Variants in TRIO observed in about 807,000 individuals in gnomAD.
TRIO encodes the protein triple functional domain protein.
TRIO carries 58 observed loss-of-function variants against 351.9 expected under a neutral mutation model. The observed-to-expected ratio is 0.16, with a 90% confidence interval of 0.13 to 0.21. The LOEUF is 0.21. TRIO is among the 10% of genes least tolerant of loss of function. TRIO has a pLI of 1.00. For synonymous variants in TRIO, 1,758 were observed against 1,595.7 expected, an observed-to-expected ratio of 1.10 and a Z score of -2.42; for missense variants, 3,201 against 4,027.8, an observed-to-expected ratio of 0.79 and a Z score of 5.56.
At chr5:14,394,553 A>C (rs1747396586) in intron 28 of TRIO, among the ~76,000 whole-genome samples, 1 of 152,172 alleles carries the variant, frequency 6.6e-6, no homozygotes, top group Non-Finnish European at 1.5e-5. Context: ...ACACGTTAAC[A>C]GGCTCAGCTC....
intron 33 of TRIO, 63 bp downstream of exon 33, chr5:14,406,735 C>G (rs1207501630): frequency 6.7e-7 from 1 of 1,503,224 alleles, no homozygotes; most frequent in Non-Finnish European, 9.2e-7. Flanking sequence ...TCAAAGCAGC[C>G]CCCTCCTTTC....
At position 14,487,530 on chromosome 5, in the gene TRIO, G is replaced by T. The variant is rs1271637211; in HGVS notation, c.6902G>T (p.Gly2301Val). ...GGCGGCGGCGGCGGCGGCAGCGGGG[G>T]CAGCGGCGGGGGTGGGGGCAGCGGC... ...SGGGGGGGSG[G>V]SGGGGGSGGG... Residue 2301 changes from glycine to valine, a missense_variant, in exon 48 of 57, where the codon GGC becomes GTC. Transcript: ENST00000344204. 2 of 1,016,762 alleles carry T rather than the reference G, an allele frequency of 2.0e-6. No homozygotes were observed. Among genetic ancestry groups the T allele is most frequent in the Non-Finnish European group, 2.4e-6 (2 of 832,872 alleles). 63.0% of individuals were successfully genotyped at this position (1,016,762 alleles called of 1,614,324 possible).
At chr5:14,433,488 G>T (rs1415860568) in intron 34 of TRIO, among the ~76,000 whole-genome samples, 1 of 152,246 alleles carries the variant, frequency 6.6e-6, no homozygotes, top group African/African-American at 2.4e-5. Context: ...TGTGCTTGAA[G>T]CCAGCACTGT....
intron 1 of TRIO, among the ~76,000 whole-genome samples, chr5:14,228,964 G>A (rs1254542555): frequency 6.6e-6 from 1 of 152,190 alleles, no homozygotes; most frequent in African/African-American, 2.4e-5. Flanking sequence ...ATTAGGCAGA[G>A]AATTTTAGGT....
intron 11 of TRIO, among the ~76,000 whole-genome samples, chr5:14,340,759 A>G (rs938729429): frequency 1.3e-5 from 2 of 152,162 alleles, no homozygotes; most frequent in Non-Finnish European, 2.9e-5. Flanking sequence ...AGACTCCAAA[A>G]ACTGAGACCT....
chr5:14,167,008 T>A (rs1369054962), intron 1 of TRIO, among the ~76,000 whole-genome samples: 2 of 152,046 alleles, frequency 1.3e-5, no homozygotes, highest in Non-Finnish European at 2.9e-5. Context: ...CTTGGGCTTA[T>A]GTCTTCTGCA....
intron 13 of TRIO, 74 bp downstream of exon 13, chr5:14,359,605 GTC>G: frequency 6.5e-7 from 1 of 1,545,748 alleles, no homozygotes; most frequent in East Asian, 2.3e-5. Context: ...GCGCCCTCTT[GTC>G]TCTGCCCTGC....
intron 1 of TRIO, among the ~76,000 whole-genome samples, chr5:14,175,928 T>G (rs1399771828): frequency 6.6e-6 from 1 of 152,266 alleles, no homozygotes; most frequent in Non-Finnish European, 1.5e-5. Flanking sequence ...AATACTGATT[T>G]GTGAAGAATA....
intron 34 of TRIO, among the ~76,000 whole-genome samples, chr5:14,429,327 C>G (rs897521185): frequency 1.3e-5 from 2 of 152,106 alleles, no homozygotes; most frequent in African/African-American, 4.8e-5. Flanking sequence ...TTGGCTCTTG[C>G]CTTATGTTCC....
chr5:14,157,470 CCT>C (rs1480468775), intron 1 of TRIO, among the ~76,000 whole-genome samples: 2 of 143,066 alleles, frequency 1.4e-5, no homozygotes, highest in African/African-American at 5.2e-5. Context: ...CCTCTCTCTC[CCT>C]GTCTCCCTCT....
intron 11 of TRIO, among the ~76,000 whole-genome samples, chr5:14,350,920 G>A (rs190991312): frequency 2.5e-4 from 38 of 152,224 alleles, no homozygotes; most frequent in Non-Finnish European, 1.3e-4. Context: ...CAGATTATCA[G>A]GCGTTAGTTA....
chr5:14,155,532 C>G (rs1431837039), intron 1 of TRIO, among the ~76,000 whole-genome samples: 24 of 152,300 alleles, frequency 1.6e-4, no homozygotes, highest in Admixed American at 1.4e-3. Context: ...TTTGTCGTAT[C>G]TCTTCAGTTT....
intron 1 of TRIO, among the ~76,000 whole-genome samples, chr5:14,147,105 C>T (rs959294492): frequency 6.6e-6 from 1 of 152,132 alleles, no homozygotes; most frequent in African/African-American, 2.4e-5. Flanking sequence ...TCACTTTTCT[C>T]CTTTGCACAG....
intron 27 of TRIO, among the ~76,000 whole-genome samples, chr5:14,393,124 C>T (rs1352235849): frequency 6.6e-6 from 1 of 151,150 alleles, no homozygotes; most frequent in Non-Finnish European, 1.5e-5. Context: ...AACCATCATT[C>T]TCAGCAAACT....
chr5:14,437,153 T>C (rs1236102711), intron 34 of TRIO, among the ~76,000 whole-genome samples: 1 of 152,242 alleles, frequency 6.6e-6, no homozygotes, highest in Non-Finnish European at 1.5e-5. Context: ...TTCCATCCTA[T>C]TCTAAAAGTT....
chr5:14,211,582 A>C (rs1470434362), intron 1 of TRIO, among the ~76,000 whole-genome samples: 1 of 140,644 alleles, frequency 7.1e-6, no homozygotes, highest in African/African-American at 2.6e-5. Context: ...TCCTGAGCAC[A>C]CTCAGTTGTT....
At chr5:14,337,548 G>A (rs1741534178) in intron 11 of TRIO, among the ~76,000 whole-genome samples, 1 of 152,090 alleles carries the variant, frequency 6.6e-6, no homozygotes, top group Admixed American at 6.5e-5. Flanking sequence ...GGGTAACTGG[G>A]GACTATGCAC....
chr5:14,298,182 T>C (rs746726809), intron 7 of TRIO, among the ~76,000 whole-genome samples: 1 of 152,194 alleles, frequency 6.6e-6, no homozygotes, highest in Non-Finnish European at 1.5e-5. Context: ...ATGTGTTGTG[T>C]CAAAATTTCT....
At chr5:14,417,505 C>T (rs1021079713) in intron 33 of TRIO, among the ~76,000 whole-genome samples, 14 of 152,234 alleles carry the variant, frequency 9.2e-5, no homozygotes, top group African/African-American at 2.9e-4. Context: ...TGTGAGCCAT[C>T]GGAGGATGTG....
Sources: allele counts gnomAD v4.1 joint callset (sites outside exome capture counted in the v4.1 genomes callset), GRCh38; gene constraint gnomAD v4.1.1; transcripts MANE v1.5; gene names NCBI Gene and HGNC (gene_info 2026-07-23, HGNC 2026-07-21).